The following DLGAP1 variants were observed in gnomAD, a reference collection of about 807,000 sequenced individuals.
DLGAP1 encodes DLG associated protein 1.
Under a neutral mutation model 90.8 loss-of-function variants are expected in DLGAP1, and 11 were observed. The observed-to-expected ratio is 0.12, with a 90% CI of 0.08 to 0.20. The LOEUF (loss-of-function observed/expected upper bound fraction) is 0.20, where lower values mean the gene tolerates loss of function less well. DLGAP1 is among the 10% of genes least tolerant of loss of function. The pLI is 1.00. For synonymous variants in DLGAP1, 558 were observed against 540.7 expected (o/e 1.03, Z -0.44); for missense variants, 1,050 against 1,333.8 (o/e 0.79, Z 3.31).
intron 3 of DLGAP1, among the ~76,000 whole-genome samples, chr18:3,906,544 G>GT (rs1388078909): frequency 6.6e-6 from 1 of 152,168 alleles, no homozygotes; most frequent in Non-Finnish European, 1.5e-5. Context: ...ATCTATTTAT[G>GT]TTAGTGTAAT....
intron 1 of DLGAP1, among the ~76,000 whole-genome samples, chr18:4,157,295 C>T (rs541009076): frequency 6.6e-6 from 1 of 152,168 alleles, no homozygotes; most frequent in Non-Finnish European, 1.5e-5. Flanking sequence ...AGTCCATAAA[C>T]TATTATGTAG....
chr18:3,516,031 T>G (rs2050825939), intron 10 of DLGAP1, among the ~76,000 whole-genome samples: 4 of 152,164 alleles, frequency 2.6e-5, no homozygotes, highest in Admixed American at 2.6e-4. Context: ...CTTCGCATTC[T>G]AGTTCTCTTG....
intron 1 of DLGAP1, among the ~76,000 whole-genome samples, chr18:4,379,544 T>C (rs2082076835): frequency 6.6e-6 from 1 of 152,138 alleles, no homozygotes; most frequent in Non-Finnish European, 1.5e-5. Context: ...TGATGCCAAC[T>C]CATACCAATC....
At chr18:4,380,993 C>T (rs946623165) in intron 1 of DLGAP1, among the ~76,000 whole-genome samples, 1 of 152,180 alleles carries the variant, frequency 6.6e-6, no homozygotes, top group Non-Finnish European at 1.5e-5. Context: ...GGAGCTTTAG[C>T]TGACAATCAA....
intron 3 of DLGAP1, among the ~76,000 whole-genome samples, chr18:3,949,895 C>T (rs1365241649): frequency 2.6e-5 from 4 of 152,176 alleles, no homozygotes; most frequent in South Asian, 2.1e-4. Flanking sequence ...TTTTAGTCCA[C>T]ATGATATTTT....
chr18:4,164,041 C>T (rs2076892204), intron 1 of DLGAP1, among the ~76,000 whole-genome samples: 1 of 152,054 alleles, frequency 6.6e-6, no homozygotes, highest in Non-Finnish European at 1.5e-5. Context: ...GAAACTCTGG[C>T]AGCACCAGAT....
At chr18:4,001,567 C>A (rs572902288) in intron 3 of DLGAP1, among the ~76,000 whole-genome samples, 1 of 151,984 alleles carries the variant, frequency 6.6e-6, no homozygotes, top group Non-Finnish European at 1.5e-5. Context: ...TTAGAGCTGC[C>A]TTTTCTGTTA....
At position 3,535,397 on chromosome 18, in the gene DLGAP1, G is replaced by C. The variant is rs559231708; in HGVS notation, c.2058-782C>G. Among the ~76,000 whole-genome samples, 11 of 152,218 alleles carry C rather than the reference G, an allele frequency of 7.2e-5. 1 individual carries two copies. In the East Asian group the frequency reaches 1.7e-3, roughly 24 times the overall value. Reference sequence around the variant, plus strand: ...AAACTATTCACTACTATCTTAGTCGGGGTAATTTGCTTAGAAATAGGGAAA... The same window carrying C: ...AAACTATTCACTACTATCTTAGTCGCGGTAATTTGCTTAGAAATAGGGAAA... On this transcript the variant is annotated intron_variant, in intron 9 of 12. Transcript: ENST00000315677.
At chr18:4,350,316 A>G (rs1428118359) in intron 1 of DLGAP1, among the ~76,000 whole-genome samples, 2 of 152,144 alleles carry the variant, frequency 1.3e-5, no homozygotes, top group African/African-American at 4.8e-5. Flanking sequence ...TATTTTTAAC[A>G]TATGTGTACC....
At chr18:4,057,498 G>A (rs11081094) in intron 2 of DLGAP1, among the ~76,000 whole-genome samples, 47,320 of 152,094 alleles carry the variant, frequency 0.31, 7,506 homozygotes, top group Middle Eastern at 0.5. Flanking sequence ...GAGAAGGATC[G>A]CAATCCCCCA....
intron 8 of DLGAP1, chr18:3,580,227 A>T: frequency 6.3e-7 from 1 of 1,598,838 alleles, no homozygotes; most frequent in Non-Finnish European, 8.6e-7. Flanking sequence ...CATTCCCCTC[A>T]GGTGAACCAT....
intron 2 of DLGAP1, among the ~76,000 whole-genome samples, chr18:4,106,651 G>A (rs554066694): frequency 2.0e-5 from 3 of 152,224 alleles, no homozygotes; most frequent in Admixed American, 6.5e-5. Context: ...AAAGCAAGGC[G>A]CTGCCTGTCT....
At chr18:3,720,357 A>C (rs2061927845) in intron 7 of DLGAP1, among the ~76,000 whole-genome samples, 1 of 152,242 alleles carries the variant, frequency 6.6e-6, no homozygotes, top group South Asian at 2.1e-4. Flanking sequence ...GAAAGCTTTC[A>C]AAATGTTGAT....
chr18:4,149,769 C>G (rs2076643230), intron 2 of DLGAP1, among the ~76,000 whole-genome samples: 1 of 152,188 alleles, frequency 6.6e-6, no homozygotes, highest in Non-Finnish European at 1.5e-5. Flanking sequence ...TGAGGTGGAA[C>G]AGTTTTATCC....
chr18:4,452,334 G>T (rs2144919282), intron 1 of DLGAP1, among the ~76,000 whole-genome samples: 1 of 152,222 alleles, frequency 6.6e-6, no homozygotes, highest in African/African-American at 2.4e-5. Flanking sequence ...TGAAAGAGTT[G>T]ATGTTCAAAG....
At chr18:4,303,572 T>G (rs946213244) in intron 1 of DLGAP1, among the ~76,000 whole-genome samples, 1 of 152,126 alleles carries the variant, frequency 6.6e-6, no homozygotes, top group African/African-American at 2.4e-5. Flanking sequence ...GTATTGACAA[T>G]TCAAATTTTT....
chr18:4,427,672 C>G (rs1009207355), intron 1 of DLGAP1, among the ~76,000 whole-genome samples: 4 of 152,146 alleles, frequency 2.6e-5, no homozygotes, highest in African/African-American at 9.7e-5. Context: ...AATCCAGCCT[C>G]AGACAGAAAA....
chr18:4,056,496 A>T (rs2075219120), intron 2 of DLGAP1, among the ~76,000 whole-genome samples: 2 of 152,198 alleles, frequency 1.3e-5, no homozygotes. Context: ...TGGCTACAAC[A>T]CATGGTTTTT....
chr18:4,056,394 C>T (rs12963271), intron 2 of DLGAP1, among the ~76,000 whole-genome samples: 33,800 of 152,096 alleles, frequency 0.22, 4,217 homozygotes, highest in South Asian at 0.26. Flanking sequence ...AAACACAAAA[C>T]TTGACATAAA....
Sources: allele counts gnomAD v4.1 joint callset (sites outside exome capture counted in the v4.1 genomes callset), GRCh38; gene constraint gnomAD v4.1.1; transcripts MANE v1.5; gene names NCBI Gene and HGNC (gene_info 2026-07-23, HGNC 2026-07-21).